STAU2: variants seen among roughly 807,000 people sequenced by gnomAD.
STAU2 encodes double-stranded RNA-binding protein Staufen homolog 2.
A neutral mutation model predicts 65.9 loss-of-function variants in STAU2; 20 were observed. The observed-to-expected ratio is 0.30, with a 90% CI of 0.21 to 0.44. The LOEUF is 0.44. Among genes scored for constraint, STAU2 ranks in the 20% least tolerant of loss-of-function variants. The pLI, the probability that STAU2 is intolerant of heterozygous loss-of-function variation, is 1.00. For synonymous variants in STAU2, 232 were observed against 233.9 expected (o/e 0.99, Z 0.07); for missense variants, 558 against 683.9 (o/e 0.82, Z 2.05).
intron 13 of STAU2, among the ~76,000 whole-genome samples, chr8:73,549,251 A>G (rs1807151358): frequency 6.6e-6 from 1 of 152,194 alleles, no homozygotes; most frequent in Non-Finnish European, 1.5e-5. Context: ...TGAATAAAAC[A>G]TTTAAAAGAA....
At chr8:73,721,737 A>T (rs1821702968) in intron 3 of STAU2, among the ~76,000 whole-genome samples, 1 of 152,174 alleles carries the variant, frequency 6.6e-6, no homozygotes, top group Non-Finnish European at 1.5e-5. Context: ...GTTGCTTTTG[A>T]CTAGGTTACC....
intron 6 of STAU2, among the ~76,000 whole-genome samples, chr8:73,668,426 G>C (rs1399231707): frequency 6.6e-6 from 1 of 152,152 alleles, no homozygotes; most frequent in South Asian, 2.1e-4. Context: ...AGCAGATCAA[G>C]GGGCCATTTG....
At chr8:73,669,674 C>T (rs1817526237) in intron 6 of STAU2, among the ~76,000 whole-genome samples, 1 of 120,944 alleles carries the variant, frequency 8.3e-6, no homozygotes, top group African/African-American at 3.1e-5. Flanking sequence ...TCTCTCTCAA[C>T]ATTCACACTG....
rs536581941 is a variant in STAU2 at position 73,533,719 on chromosome 8, G to C, written c.1530+18293C>G. 2.0e-5 allele frequency among the ~76,000 whole-genome samples: 3 copies of C among 152,284 alleles called. No homozygotes were observed. In the South Asian group the frequency reaches 6.2e-4, roughly 32 times the overall value. ...GAGACCAGCATGAGCAACAGAGAGAGATGAGACCCTGTTTCTGTCTGAATG... is the reference window on the plus strand; with the variant it reads ...GAGACCAGCATGAGCAACAGAGAGACATGAGACCCTGTTTCTGTCTGAATG... On this transcript the variant is annotated intron_variant, in intron 13 of 14. Transcript: ENST00000524300.
chr8:73,537,037 T>C (rs1656661758), intron 13 of STAU2, among the ~76,000 whole-genome samples: 1 of 152,060 alleles, frequency 6.6e-6, no homozygotes. Flanking sequence ...CAATAAGCAA[T>C]TACATACACA....
At chr8:73,464,884 A>C (rs1819567559) in intron 13 of STAU2, among the ~76,000 whole-genome samples, 1 of 152,240 alleles carries the variant, frequency 6.6e-6, no homozygotes, top group South Asian at 2.1e-4. Flanking sequence ...CTTTGTAAGC[A>C]ATTTCAGAGG....
At chr8:73,607,031 T>C (rs1324123740) in intron 9 of STAU2, among the ~76,000 whole-genome samples, 2 of 152,002 alleles carry the variant, frequency 1.3e-5, no homozygotes, top group African/African-American at 4.8e-5. Context: ...ATAAGGAAAA[T>C]TCTGGGAGGA....
At chr8:73,700,276 A>G (rs1454343839) in intron 4 of STAU2, among the ~76,000 whole-genome samples, 2 of 152,244 alleles carry the variant, frequency 1.3e-5, no homozygotes, top group East Asian at 3.9e-4. Context: ...AAAGATGCCC[A>G]CTTTCACCAC....
At position 73,617,585 on chromosome 8, in the gene STAU2, CT is replaced by C. The variant is rs1371239481; in HGVS notation, c.411-135del. The C allele has an allele frequency of 8.5e-6, 7 of 828,032 alleles. No individual in the cohort carries two copies. In the East Asian group the frequency reaches 1.3e-4, roughly 16 times the overall value. The allele number at this position is 828,032 out of a possible 1,614,324, so 51.3% of individuals were successfully genotyped here. A position where few individuals can be genotyped will look rare whatever the true frequency, so the allele number is the denominator to read the frequency against. ...ATAAAACTTTAACCTCAAAAACATA[CT>C]TTTTTGATAAAATGTGAGTCAATAC... On this transcript the variant is annotated intron_variant, in intron 6 of 14. Transcript: ENST00000524300.
intron 6 of STAU2, among the ~76,000 whole-genome samples, chr8:73,656,124 AACTC>A (rs1157017227): frequency 7.9e-5 from 12 of 152,184 alleles, no homozygotes; most frequent in African/African-American, 2.9e-4. Flanking sequence ...ATGGACATGA[AACTC>A]ACTGACATTT....
chr8:73,747,234 C>T (rs912893301), upstream of STAU2: 24 of 894,514 alleles, frequency 2.7e-5, no homozygotes, highest in Non-Finnish European at 3.3e-5. Context: ...CCGCAGTCTC[C>T]TCGTCCCCGG....
chr8:73,697,442 T>G (rs558963010), intron 4 of STAU2: 8 of 152,192 alleles, frequency 5.3e-5, no homozygotes, highest in African/African-American at 1.7e-4. Flanking sequence ...AGTTCTTCAA[T>G]CTGAAAGAAA....
chr8:73,573,738 T>A (rs968211334), intron 12 of STAU2, among the ~76,000 whole-genome samples: 4 of 152,108 alleles, frequency 2.6e-5, no homozygotes, highest in Non-Finnish European at 5.9e-5. Context: ...TTACACCTTA[T>A]ACAAAAAAAT....
upstream of STAU2, chr8:73,747,477 G>A (rs779728439): frequency 2.0e-6 from 3 of 1,534,002 alleles, no homozygotes; most frequent in South Asian, 3.6e-5. Flanking sequence ...GCAACGCACG[G>A]TTTAGCGGAT....
At chr8:73,690,328 C>CAAAAAAAAA (rs56744849) in intron 4 of STAU2, among the ~76,000 whole-genome samples, 3 of 58,248 alleles carry the variant, frequency 5.2e-5, no homozygotes, top group Non-Finnish European at 1.0e-4. Context: ...GACTCTGTCT[C>CAAAAAAAAA]AAAAAAAAAA....
intron 4 of STAU2, among the ~76,000 whole-genome samples, chr8:73,698,554 C>CA (rs1384162602): frequency 2.0e-5 from 3 of 151,666 alleles, no homozygotes; most frequent in Admixed American, 1.3e-4. Flanking sequence ...TAAGGAGAGA[C>CA]AAAAAAGGTC....
chr8:73,440,761 T>C (rs1347553708), intron 13 of STAU2: 1 of 152,156 alleles, frequency 6.6e-6, no homozygotes, highest in African/African-American at 2.4e-5. Context: ...CCTATTCAAA[T>C]CCTCCAGGGG....
At chr8:73,455,030 G>A (rs1818988569) in intron 13 of STAU2, among the ~76,000 whole-genome samples, 1 of 152,170 alleles carries the variant, frequency 6.6e-6, no homozygotes, top group Non-Finnish European at 1.5e-5. Flanking sequence ...GCTTCAACTG[G>A]AGATGGAAAC....
intron 13 of STAU2, among the ~76,000 whole-genome samples, chr8:73,480,361 T>C (rs1820545991): frequency 6.6e-6 from 1 of 152,162 alleles, no homozygotes; most frequent in South Asian, 2.1e-4. Flanking sequence ...GACATGAGCT[T>C]TTCTCTCAAG....
Sources: allele counts gnomAD v4.1 joint callset (sites outside exome capture counted in the v4.1 genomes callset), GRCh38; gene constraint gnomAD v4.1.1; transcripts MANE v1.5; gene names NCBI Gene and HGNC (gene_info 2026-07-23, HGNC 2026-07-21).